The following TTC3 variants were observed in gnomAD, a reference collection of about 807,000 sequenced individuals.
TTC3 encodes E3 ubiquitin-protein ligase TTC3.
In TTC3, 180 loss-of-function variants were observed where a neutral mutation model predicts 249.6. The observed-to-expected ratio is 0.72, with a 90% CI of 0.64 to 0.82. The LOEUF (loss-of-function observed/expected upper bound fraction) is 0.82. TTC3 is among the 40% of genes least tolerant of loss of function. The pLI is 0.00. For missense variants in TTC3, 2,061 were observed against 2,398.4 expected (o/e 0.86, Z 2.94); for synonymous variants, 717 against 805.0 (o/e 0.89, Z 1.85).
intron 40 of TTC3, 115 bp downstream of exon 40, chr21:37,191,539 T>C: frequency 1.6e-6 from 1 of 624,366 alleles, no homozygotes; most frequent in Non-Finnish European, 2.5e-6. Context: ...CAATAATTTT[T>C]TTTGTTGAAA....
intron 7 of TTC3, among the ~76,000 whole-genome samples, chr21:37,092,737 G>A (rs1018389806): frequency 6.6e-6 from 1 of 151,828 alleles, no homozygotes; most frequent in Non-Finnish European, 1.5e-5. Flanking sequence ...TAAATTTTAG[G>A]TGCTCTTTTC....
chr21:37,179,514 G>T (rs774294187), intron 35 of TTC3, among the ~76,000 whole-genome samples: 1 of 152,112 alleles, frequency 6.6e-6, no homozygotes, highest in Non-Finnish European at 1.5e-5. Context: ...TGTGCCTTTG[G>T]TGTCATAGCT....
At chr21:37,087,699 C>G in intron 2 of TTC3, 134 bp from the exon 3 acceptor site, 1 of 794,430 alleles carries the variant, frequency 1.3e-6, no homozygotes, top group Non-Finnish European at 2.0e-6. Flanking sequence ...AATTAAGACT[C>G]TTTGGCTGAA....
rs202023827 is a variant in TTC3 at position 37,153,327 on chromosome 21, T to C, written c.2740+50T>C. ...AATAAACTTTAATACGAAGGGGAAG[T>C]GTAGGTCTCTGAGTCATTTTCATTT... is the stretch of plus-strand genomic sequence containing the variant. On this transcript the variant is annotated intron_variant, in intron 27 of 45. Coordinates refer to ENST00000355666, the Ensembl canonical transcript of TTC3. The C allele has an allele frequency of 1.0e-4, 149 of 1,477,368 alleles. No individual in the cohort carries two copies. The African/African-American group carries it at 1.9e-3, about 19-fold the overall frequency. The allele number at this position is 1,477,368 out of a possible 1,614,324, so 91.5% of individuals were successfully genotyped here. A position where few individuals can be genotyped will look rare whatever the true frequency, so the allele number is the denominator to read the frequency against.
At chr21:37,134,426 A>T (rs560198611) in intron 17 of TTC3, among the ~76,000 whole-genome samples, 1 of 151,828 alleles carries the variant, frequency 6.6e-6, no homozygotes, top group South Asian at 2.1e-4. Flanking sequence ...TCCAGCCTGG[A>T]CGACAGAGCA....
intron 16 of TTC3, among the ~76,000 whole-genome samples, chr21:37,129,504 A>G (rs1204468400): frequency 6.6e-6 from 1 of 152,236 alleles, no homozygotes. Context: ...ATGGGTATGC[A>G]TATTTCAGAT....
At chr21:37,186,653 C>T (rs2083318837) in intron 37 of TTC3, among the ~76,000 whole-genome samples, 1 of 152,220 alleles carries the variant, frequency 6.6e-6, no homozygotes, top group African/African-American at 2.4e-5. Flanking sequence ...TCTTGAACTT[C>T]TGGGCCCAAG....
At chr21:37,165,647 A>G in exon 33 of TTC3, 2 of 1,614,156 alleles carry the variant, frequency 1.2e-6, no homozygotes, top group South Asian at 1.1e-5. Context: ...AACTCGACAG[A>G]TACTAGAAAA....
intron 15 of TTC3, among the ~76,000 whole-genome samples, chr21:37,128,297 A>G (rs1393535064): frequency 1.3e-5 from 2 of 152,186 alleles, no homozygotes; most frequent in Admixed American, 1.3e-4. Context: ...GCCCAAAAAT[A>G]TGCAGTGGTT....
chr21:37,129,134 GT>G (rs2077271018), intron 16 of TTC3, 71 bp downstream of exon 16: 12 of 1,129,722 alleles, frequency 1.1e-5, no homozygotes, highest in Non-Finnish European at 1.5e-5. Context: ...AAAAAAAATT[GT>G]TTTTCGAGTA....
intron 29 of TTC3, 109 bp downstream of exon 29, chr21:37,159,854 C>A (rs1462758622): frequency 4.5e-5 from 47 of 1,056,086 alleles, no homozygotes; most frequent in Non-Finnish European, 1.0e-5. Context: ...CATTCAAGAA[C>A]CACATTAAAA....
chr21:37,082,944 T>G, intron 1 of TTC3: 1 of 983,114 alleles, frequency 1.0e-6, no homozygotes, highest in African/African-American at 1.7e-5. Flanking sequence ...AGATTTGAGT[T>G]ATCCTAAAGA....
intron 27 of TTC3, among the ~76,000 whole-genome samples, chr21:37,154,446 C>A (rs1036188261): frequency 2.0e-5 from 3 of 152,114 alleles, no homozygotes; most frequent in Non-Finnish European, 2.9e-5. Context: ...ATTTGTGATC[C>A]CGGAAAGTTA....
At chr21:37,088,211 G>A (rs1251189485) in exon 4 of TTC3, 1 of 1,604,242 alleles carries the variant, frequency 6.2e-7, no homozygotes, top group Admixed American at 1.7e-5. Context: ...GACATCTGCA[G>A]TATATGGTGT....
chr21:37,164,524 A>AG (rs1381633976), intron 32 of TTC3, among the ~76,000 whole-genome samples: 46 of 178 alleles, frequency 0.26, no homozygotes, highest in East Asian at 0.48. Context: ...TTTTTAGTAG[A>AG]GAAGGGTTTC....
chr21:37,090,237 A>G (rs2073075035), exon 6 of TTC3: 11 of 1,598,970 alleles, frequency 6.9e-6, no homozygotes, highest in African/African-American at 6.7e-5. Context: ...TTTCAGAATG[A>G]TTCATTCCTT....
chr21:37,192,241 T>C (rs761843223), intron 41 of TTC3, 28 bp downstream of exon 41: 2 of 1,460,768 alleles, frequency 1.4e-6, no homozygotes, highest in Admixed American at 4.4e-5. Context: ...TTTTTTTTTT[T>C]TTAAACCATA....
intron 17 of TTC3, among the ~76,000 whole-genome samples, chr21:37,134,682 G>C (rs2077770884): frequency 6.6e-6 from 1 of 152,162 alleles, no homozygotes; most frequent in African/African-American, 2.4e-5. Context: ...TGGAACTTTG[G>C]TGACTTACAG....
At chr21:37,117,835 C>CA (rs60664616) in intron 11 of TTC3, among the ~76,000 whole-genome samples, 14,373 of 72,718 alleles carry the variant, frequency 0.2, 1,279 homozygotes, top group African/African-American at 0.33. Flanking sequence ...TGCGCCACTT[C>CA]AAAAAAAAAA....
Sources: allele counts gnomAD v4.1 joint callset (sites outside exome capture counted in the v4.1 genomes callset), GRCh38; gene constraint gnomAD v4.1.1; transcripts MANE v1.5; gene names NCBI Gene and HGNC (gene_info 2026-07-23, HGNC 2026-07-21).